The following CCDC170 variants were observed in gnomAD, a reference collection of about 807,000 sequenced individuals.
CCDC170 encodes the protein coiled-coil domain containing 170, also known as coiled-coil domain-containing protein 170.
A neutral mutation model predicts 72.6 loss-of-function variants in CCDC170; 69 were observed. That is an observed-to-expected ratio of 0.95 (90% CI 0.78 to 1.16). The LOEUF (loss-of-function observed/expected upper bound fraction) is 1.16, where lower values mean the gene tolerates loss of function less well. Among genes scored for constraint, CCDC170 ranks in the 50% most tolerant of loss-of-function variants. The probability of loss-of-function intolerance (pLI) is 0.00; values close to 1 mark genes in which losing one functional copy is unlikely to be tolerated. For synonymous variants in CCDC170, 300 were observed against 303.9 expected (o/e 0.99, Z 0.13); for missense variants, 852 against 832.5 (o/e 1.02, Z -0.29).
Position 151,536,397 on chromosome 6 carries a change from G to A in CCDC170, c.137G>A (p.Arg46Gln), listed in dbSNP as rs781096492. The stretch of plus-strand genomic sequence containing the variant: ...TATCGGAATGTGGCTCAAAATGCTC[G>A]AAGTGAACTTGCAGCAACTTTGGTC... Reference protein sequence around the residue: ...NHYRNVAQNARSELAATLVKF... With the variant: ...NHYRNVAQNAQSELAATLVKF... The change falls in exon 2 of 11, where the codon CGA becomes CAA. Residue 46 changes from arginine (R) to glutamine (Q), a missense_variant. Arg to Gln is a conservative substitution (Grantham distance 43). Transcript: ENST00000239374. 1.9e-6 allele frequency: 3 copies of A among 1,614,120 alleles called. No homozygotes were observed. Among genetic ancestry groups the A allele is most frequent in the East Asian group, 2.2e-5 (1 of 44,868 alleles).
intron 1 of CCDC170, among the ~76,000 whole-genome samples, chr6:151,525,836 G>A (rs886238084): frequency 2.0e-4 from 31 of 152,152 alleles, no homozygotes; most frequent in African/African-American, 7.2e-4. Context: ...ATTAGAAGTA[G>A]GACTGTGGGT....
chr6:151,558,047 C>T (rs564543289), intron 5 of CCDC170, among the ~76,000 whole-genome samples: 5 of 152,120 alleles, frequency 3.3e-5, no homozygotes, highest in African/African-American at 4.8e-5. Flanking sequence ...TGCACTGAGC[C>T]GAGATTGCGC....
chr6:151,603,544 T>C (rs1183842233), intron 9 of CCDC170, among the ~76,000 whole-genome samples: 2 of 152,322 alleles, frequency 1.3e-5, no homozygotes, highest in South Asian at 4.1e-4. Flanking sequence ...AAGAAAGTGC[T>C]TTGTGTAATT....
chr6:151,554,607 C>T (rs959316976), intron 5 of CCDC170, among the ~76,000 whole-genome samples: 2 of 152,098 alleles, frequency 1.3e-5, no homozygotes, highest in East Asian at 1.9e-4. Context: ...ACCTGTAATC[C>T]CAGCTACTCG....
chr6:151,570,334 C>T (rs1776199669), intron 5 of CCDC170, among the ~76,000 whole-genome samples: 1 of 152,100 alleles, frequency 6.6e-6, no homozygotes, highest in African/African-American at 2.4e-5. Context: ...ATTTTCTAAC[C>T]ACACATCAGA....
In CCDC170 at chr6:151,593,271, G is replaced by A. The variant is rs2115115329; in HGVS notation, c.1458G>A (p.Leu486=). The change falls in exon 8 of 11, where the codon TTG becomes TTA. Residue 486 remains leucine (L), a synonymous_variant. Transcript: ENST00000239374. Reference sequence around the variant, plus strand: ...AGAACAAGACCATTGCCCACAATTTGCAGAGAAAGGTAGGAGATATTGAAA... The same window carrying A: ...AGAACAAGACCATTGCCCACAATTTACAGAGAAAGGTAGGAGATATTGAAA... ...VIENKTIAHN[L]QRKLKTQKER... 1 of 1,613,640 alleles carries A rather than the reference G, an allele frequency of 6.2e-7. No homozygotes were observed. Among genetic ancestry groups the A allele is most frequent in the African/African-American group, 1.3e-5 (1 of 75,040 alleles).
Position 151,596,389 on chromosome 6 carries a change from C to T in CCDC170, c.1522C>T (p.Arg508Trp), listed in dbSNP as rs183044234. Residue 508 changes from arginine to tryptophan, a missense_variant, in exon 9 of 11, where the codon CGG (arginine) becomes TGG (tryptophan). Transcript: ENST00000239374. ...CAAAGAATTACACATGAGCCTCCTC[C>T]GGCAGAAAATAGCCCAGCTGGAGGA... ...ESKELHMSLL[R>W]QKIAQLEEEK... 41 of 1,614,024 alleles carry T rather than the reference C, an allele frequency of 2.5e-5. No individual in the cohort carries two copies. The highest frequency in any genetic ancestry group is 1.8e-4 in the Admixed American group (11 of 60,000).
At chr6:151,560,476 C>A (rs979464458) in intron 5 of CCDC170, among the ~76,000 whole-genome samples, 2 of 152,030 alleles carry the variant, frequency 1.3e-5, no homozygotes, top group Non-Finnish European at 2.9e-5. Flanking sequence ...TCTGTGAGGT[C>A]CATCTTGTTG....
At chr6:151,520,307 G>A (rs1267943929) in intron 1 of CCDC170, among the ~76,000 whole-genome samples, 2 of 152,220 alleles carry the variant, frequency 1.3e-5, no homozygotes, top group Non-Finnish European at 2.9e-5. Flanking sequence ...TGGTCAGTGG[G>A]AACTGTGATC....
At chr6:151,604,701 T>G (rs1393632212) in intron 9 of CCDC170, among the ~76,000 whole-genome samples, 2 of 152,206 alleles carry the variant, frequency 1.3e-5, no homozygotes, top group African/African-American at 4.8e-5. Flanking sequence ...ACTGCAAATC[T>G]GAACATTCAT....
At chr6:151,581,888 T>A (rs1304516432) in intron 6 of CCDC170, among the ~76,000 whole-genome samples, 1 of 152,224 alleles carries the variant, frequency 6.6e-6, no homozygotes, top group Non-Finnish European at 1.5e-5. Context: ...AAGGAATCTT[T>A]TACTGAGCCA....
Position 151,538,118 on chromosome 6 carries a change from A to G in CCDC170, c.260A>G (p.Tyr87Cys), listed in dbSNP as rs1405607226. ...CQELKAEMES[Y>C]KENNARKSSL... ...GAACTGAAAGCTGAAATGGAGAGCT[A>G]CAAGGAAAACAATGCCAGAAAATCA... is the stretch of plus-strand genomic sequence containing the variant. Residue 87 changes from tyrosine (Y) to cysteine (C), a missense_variant, in exon 3 of 11, where the codon TAC (tyrosine) becomes TGC (cysteine). Physicochemically the swap from Tyr to Cys is radical, Grantham distance 194. Coordinates refer to ENST00000239374, the MANE Select transcript of CCDC170 (RefSeq NM_025059.4). 6.2e-7 allele frequency: 1 copy of G among 1,613,818 alleles called. No individual in the cohort carries two copies. The highest frequency in any genetic ancestry group is 8.5e-7 in the Non-Finnish European group (1 of 1,179,930).
intron 6 of CCDC170, among the ~76,000 whole-genome samples, chr6:151,575,912 G>C (rs561663613): frequency 6.6e-6 from 1 of 152,098 alleles, no homozygotes; most frequent in South Asian, 2.1e-4. Flanking sequence ...AGAGGTCTCT[G>C]CGAGTAACTT....
intron 5 of CCDC170, among the ~76,000 whole-genome samples, chr6:151,567,141 A>G (rs965229722): frequency 6.6e-6 from 1 of 151,250 alleles, no homozygotes; most frequent in African/African-American, 2.4e-5. Context: ...CTGATCTTGA[A>G]CTCCGGACCT....
intron 9 of CCDC170, among the ~76,000 whole-genome samples, chr6:151,600,369 G>A (rs1046695508): frequency 1.3e-5 from 2 of 152,204 alleles, no homozygotes; most frequent in African/African-American, 4.8e-5. Context: ...CACAAACTGG[G>A]TGGCTTAATA....
Position 151,510,789 on chromosome 6 carries a change from G to T in CCDC170, c.57+16604G>T, listed in dbSNP as rs191871317. ...CTCGCTTTGTCACCCAGGCTGGAGT[G>T]CAGTGGCACAATCTCAGCTCACTGC... is the stretch of plus-strand genomic sequence containing the variant. On this transcript the variant is annotated intron_variant, in intron 1 of 10. Coordinates refer to ENST00000239374, the MANE Select transcript of CCDC170 (RefSeq NM_025059.4). Among the ~76,000 whole-genome samples the T allele has an allele frequency of 7.1e-3, 1,085 of 151,800 alleles. 10 individuals are homozygous for T. Among genetic ancestry groups the T allele is most frequent in the Middle Eastern group, 0.048 (14 of 294 alleles).
At position 151,602,802 on chromosome 6, in the gene CCDC170, C is replaced by CTT. The variant is rs756217308; in HGVS notation, c.1710+6239_1710+6240dup. ...ATTACCCAGTCTCAGATATTTCTTT[C>CTT]TTTTTTTTTTTTTTTGAGATGGAGT... On this transcript the variant is annotated intron_variant, in intron 9 of 10. Transcript: ENST00000239374. Among the ~76,000 whole-genome samples, 477 of 141,336 alleles carry CTT rather than the reference C, an allele frequency of 3.4e-3. 3 individuals carry two copies. Among genetic ancestry groups the CTT allele is most frequent in the African/African-American group, 0.012 (456 of 38,212 alleles). 92.7% of individuals were successfully genotyped at this position (141,336 alleles called of 152,430 possible).
chr6:151,563,924 T>C (rs945588949), intron 5 of CCDC170, among the ~76,000 whole-genome samples: 2 of 152,202 alleles, frequency 1.3e-5, no homozygotes, highest in African/African-American at 2.4e-5. Context: ...CTCTGACAGG[T>C]CCTGGCTCAC....
At chr6:151,547,000 A>G (rs529656868) in intron 4 of CCDC170, among the ~76,000 whole-genome samples, 1,860 of 151,440 alleles carry the variant, frequency 0.012, 42 homozygotes, top group African/African-American at 0.043. Flanking sequence ...TTAAGAAGAA[A>G]AAAAAAAAAA....
Sources: allele counts gnomAD v4.1 joint callset (sites outside exome capture counted in the v4.1 genomes callset), GRCh38; gene constraint gnomAD v4.1.1; transcripts MANE v1.5; gene names NCBI Gene and HGNC (gene_info 2026-07-23, HGNC 2026-07-21).